TAF1: variants seen among roughly 807,000 people sequenced by gnomAD.
TAF1 encodes the protein transcription initiation factor TFIID subunit 1.
TAF1 carries 2 observed loss-of-function variants against 138.5 expected under a neutral mutation model. The observed-to-expected ratio is 0.01, with a 90% CI of 0.01 to 0.05. The LOEUF is 0.05. Among genes scored for constraint, TAF1 ranks in the 10% least tolerant of loss-of-function variants. The pLI is 1.00. For missense variants in TAF1, 709 were observed against 1,478.0 expected, an observed-to-expected ratio of 0.48 and a Z score of 8.53; for synonymous variants, 437 against 503.2, an observed-to-expected ratio of 0.87 and a Z score of 1.76.
intron 12 of TAF1, 107 bp from the exon 13 acceptor site, chrX:71,383,855 G>A: frequency 1.0e-6 from 1 of 954,390 alleles, no homozygotes; most frequent in Non-Finnish European, 1.4e-6. Context: ...TATGAAATTG[G>A]AAAATAGGTA....
Position 71,366,507 on chromosome X carries a change from GC to G in TAF1, c.120+14del. On this transcript the variant is annotated intron_variant, in intron 1 of 37. Transcript: ENST00000423759. Reference sequence around the variant, plus strand: ...CGTCTTGGATGATGTGAGGGGGTGGGCGTGGGGGTAGGGCTCGGGGGGTGGG... The same window carrying G: ...CGTCTTGGATGATGTGAGGGGGTGGGGTGGGGGTAGGGCTCGGGGGGTGGG... The G allele has an allele frequency of 9.2e-7, 1 of 1,083,887 alleles. No individual in the cohort carries two copies. The highest frequency in any genetic ancestry group is 1.2e-6 in the Non-Finnish European group (1 of 814,203). The allele number at this position is 1,083,887 out of a possible 1,213,427, so 89.3% of individuals were successfully genotyped here. A position where few individuals can be genotyped will look rare whatever the true frequency, so the allele number is the denominator to read the frequency against.
At chrX:71,436,371 A>G (rs1405144828) in intron 32 of TAF1, among the ~76,000 whole-genome samples, 1 of 107,736 alleles carries the variant, frequency 9.3e-6, no homozygotes, top group Non-Finnish European at 1.9e-5. Flanking sequence ...GACCGCCACA[A>G]CGCCCGGCTA....
At chrX:71,374,001 A>G (rs28382155) in intron 3 of TAF1, among the ~76,000 whole-genome samples, 3,873 of 111,224 alleles carry the variant, frequency 0.035, 173 homozygotes, top group African/African-American at 0.12. Flanking sequence ...TGAAAATTCT[A>G]AAAAAGATAT....
chrX:71,519,085 G>C (rs1668532161), intron 13 of TAF1, among the ~76,000 whole-genome samples: 3 of 108,951 alleles, frequency 2.8e-5, no homozygotes, highest in African/African-American at 1.0e-4. Flanking sequence ...CACTTTGGGA[G>C]GCCGAGGCAG....
chrX:71,497,748 A>G (rs761441204), intron 13 of TAF1, among the ~76,000 whole-genome samples: 2 of 111,535 alleles, frequency 1.8e-5, no homozygotes, highest in South Asian at 7.6e-4. Flanking sequence ...TCTGGTTCCC[A>G]TTCTACTAGA....
chrX:71,409,258 T>TG (rs2035644941), intron 28 of TAF1, among the ~76,000 whole-genome samples: 2 of 109,335 alleles, frequency 1.8e-5, no homozygotes, highest in Admixed American at 2.0e-4. Flanking sequence ...CCTGAGTAGC[T>TG]GGGACTACAG....
In TAF1 at chrX:71,389,685, T is replaced by G; in HGVS notation, c.2781+20T>G. On this transcript the variant is annotated intron_variant, in intron 18 of 37. Transcript: ENST00000423759. ...GATGAAGTAAGGCTTTATACTAGTT[T>G]GTATTAGTCATTAATACATCTCATT... is the stretch of plus-strand genomic sequence containing the variant. 9.0e-7 allele frequency: 1 copy of G among 1,113,416 alleles called. No individual in the cohort carries two copies. Among genetic ancestry groups the G allele is most frequent in the Non-Finnish European group, 1.2e-6 (1 of 817,764 alleles). The allele number at this position is 1,113,416 out of a possible 1,213,427, so 91.8% of individuals were successfully genotyped here. A position where few individuals can be genotyped will look rare whatever the true frequency, so the allele number is the denominator to read the frequency against.
chrX:71,431,793 G>T (rs188792312), intron 32 of TAF1, among the ~76,000 whole-genome samples: 1 of 109,947 alleles, frequency 9.1e-6, no homozygotes. Flanking sequence ...GCATGCACCG[G>T]TAGTCCCAGC....
At position 71,394,164 on chromosome X, in the gene TAF1, T is replaced by C; in HGVS notation, c.3325T>C (p.Leu1109=). 1 of 1,212,045 alleles carries C rather than the reference T, an allele frequency of 8.3e-7. No individual in the cohort carries two copies. The highest frequency in any genetic ancestry group is 1.8e-5 in the South Asian group (1 of 57,031). The change falls in exon 22 of 38, where the codon TTG becomes CTG. Residue 1109 remains leucine (L), a synonymous_variant. Coordinates refer to ENST00000423759, the MANE Select transcript of TAF1 (RefSeq NM_004606.5). Reference sequence around the variant, plus strand: ...AATGGGAAAGAACATTGAGAACATGTTGCAGAACAAGAAAACCAGCTCTCA... The same window carrying C: ...AATGGGAAAGAACATTGAGAACATGCTGCAGAACAAGAAAACCAGCTCTCA... ...EEMGKNIENM[L]QNKKTSSQLS... is the part of the protein sequence containing the mutation.
In TAF1 at chrX:71,378,333, T is replaced by C; in HGVS notation, c.1032T>C (p.Tyr344=). Residue 344 remains tyrosine, a synonymous_variant, in exon 7 of 38, where the codon TAT becomes TAC. Transcript: ENST00000423759. ...AACCAAGAGTGGCTGAGTGGCGTTA[T>C]GGGCCTGCCCGACTGTGGTATGATA... ...DTKPRVAEWR[Y]GPARLWYDML... is the part of the protein sequence containing the mutation. 8.3e-7 allele frequency: 1 copy of C among 1,212,088 alleles called. No individual in the cohort carries two copies. The highest frequency in any genetic ancestry group is 3.0e-5 in the East Asian group (1 of 33,863).
chrX:71,497,152 CT>C (rs1276236367), intron 13 of TAF1, among the ~76,000 whole-genome samples: 1 of 111,944 alleles, frequency 8.9e-6, no homozygotes, highest in African/African-American at 3.2e-5. Flanking sequence ...CATAACCTGC[CT>C]TTCATATCCC....
chrX:71,512,852 A>G lies in TAF1; in HGVS notation c.1367-15690A>G, dbSNP rs543670829. On this transcript the variant is annotated intron_variant and NMD_transcript_variant, in intron 13 of 14. Coordinates refer to the TAF1 transcript ENST00000373775. Reference sequence around the variant, plus strand: ...AGTACATAGTACATACAGAATAACTAGGAAACTGAATTAATTCAAGGTGAT... The same window carrying G: ...AGTACATAGTACATACAGAATAACTGGGAAACTGAATTAATTCAAGGTGAT... Among the ~76,000 whole-genome samples, 17 of 112,083 alleles carry G rather than the reference A, an allele frequency of 1.5e-4. No individual in the cohort carries two copies. The South Asian group carries it at 5.9e-3, about 39-fold the overall frequency.
At chrX:71,472,089 A>G (rs938368677) in intron 13 of TAF1, among the ~76,000 whole-genome samples, 1 of 111,174 alleles carries the variant, frequency 9.0e-6, no homozygotes, top group African/African-American at 3.3e-5. Context: ...CTACCTCCAG[A>G]CCCTATTCTC....
In TAF1 at chrX:71,377,787, C is replaced by T. The variant is rs762184441; in HGVS notation, c.899C>T (p.Pro300Leu). Residue 300 changes from proline (P) to leucine (L), a missense_variant, in exon 6 of 38, where the codon CCA (proline) becomes CTA (leucine). By Grantham distance (98) the Pro-to-Leu change is moderately conservative (BLOSUM62 -3). Transcript: ENST00000423759. ...KSLWNYDYAP[P>L]PPPEQCLSDD... Reference sequence around the variant, plus strand: ...TTGTGGAACTACGACTACGCTCCACCACCACCTCCAGAGCAGTGTCTCTCT... The same window carrying T: ...TTGTGGAACTACGACTACGCTCCACTACCACCTCCAGAGCAGTGTCTCTCT... 1 of 1,210,643 alleles carries T rather than the reference C, an allele frequency of 8.3e-7. No individual in the cohort carries two copies. Among genetic ancestry groups the T allele is most frequent in the East Asian group, 3.0e-5 (1 of 33,850 alleles).
chrX:71,459,140 C>T (rs1479689103), intron 35 of TAF1: 1 of 1,056,307 alleles, frequency 9.5e-7, no homozygotes, highest in Non-Finnish European at 1.3e-6. Context: ...TATTTGTGTT[C>T]CTTACTCAGA....
At chrX:71,369,464 C>T (rs1246895862) in intron 3 of TAF1, among the ~76,000 whole-genome samples, 1 of 111,894 alleles carries the variant, frequency 8.9e-6, no homozygotes, top group Non-Finnish European at 1.9e-5. Context: ...AAAACTTGAA[C>T]TTTAGAGAAC....
intron 28 of TAF1, among the ~76,000 whole-genome samples, chrX:71,412,336 C>T (rs2035841582): frequency 1.8e-5 from 2 of 108,783 alleles, no homozygotes; most frequent in Non-Finnish European, 3.8e-5. Flanking sequence ...ACTATGTTGC[C>T]CAGGCTGGCC....
In TAF1 at chrX:71,377,052, A is replaced by G; in HGVS notation, c.575A>G (p.Glu192Gly). 2 of 1,211,702 alleles carry G rather than the reference A, an allele frequency of 1.7e-6. No homozygotes were observed. The highest frequency in any genetic ancestry group is 2.2e-6 in the Non-Finnish European group (2 of 895,551). ...AGTAGTTCCTCTGACTCAGAATCTG[A>G]GATGGGACCTCAGGAAGCAACACAG... ...DFSSSSDSES[E>G]MGPQEATQAE... The change falls in exon 5 of 38, where the codon GAG (glutamate) becomes GGG (glycine). Residue 192 changes from glutamate to glycine, a missense_variant. Around this residue, in one of 14 missense-constraint regions of TAF1, gnomAD observed 123 missense variants for 161.6 expected, o/e 0.76. Transcript: ENST00000423759.
At chrX:71,476,833 G>A (rs1286344853) in intron 13 of TAF1, among the ~76,000 whole-genome samples, 1 of 111,124 alleles carries the variant, frequency 9.0e-6, no homozygotes, top group Non-Finnish European at 1.9e-5. Context: ...TGCTAGATCA[G>A]TTGGTTATCT....
Sources: gnomAD v4.1 joint callset for allele counts (sites outside exome capture counted in the v4.1 genomes callset) on GRCh38, gnomAD v4.1.1 for gene constraint, gnomAD v4.1.1 regional missense constraint, MANE v1.5 for transcripts, NCBI Gene and HGNC (gene_info 2026-07-23, HGNC 2026-07-21) for gene names.